MGAM2: variants seen among roughly 807,000 people sequenced by gnomAD.
The protein encoded by MGAM2 is probable maltase-glucoamylase 2.
Under a neutral mutation model 96.1 loss-of-function variants are expected in MGAM2, and 98 were observed. That is an observed-to-expected ratio of 1.02 (90% CI 0.87 to 1.21). The LOEUF (loss-of-function observed/expected upper bound fraction) is 1.21. Ranked by LOEUF, MGAM2 falls within the 50% of genes most tolerant of loss-of-function variation. The pLI, the probability that MGAM2 is intolerant of heterozygous loss-of-function variation, is 0.00. For missense variants in MGAM2, 2,055 were observed against 1,182.4 expected (o/e 1.74, Z -10.82); for synonymous variants, 749 against 414.8 (o/e 1.81, Z -9.79).
intron 15 of MGAM2, among the ~76,000 whole-genome samples, chr7:142,152,150 A>G (rs902661714): frequency 6.8e-6 from 1 of 147,176 alleles, no homozygotes; most frequent in Non-Finnish European, 1.5e-5. Flanking sequence ...CCTCTGAGTA[A>G]GACTGTTCCT....
intron 33 of MGAM2, among the ~76,000 whole-genome samples, chr7:142,184,036 G>C (rs1423618893): frequency 1.7e-5 from 2 of 120,334 alleles, no homozygotes; most frequent in Non-Finnish European, 1.6e-5. Flanking sequence ...GCAGTGGTAT[G>C]ATCTTGGCTG....
chr7:142,138,083 C>T (rs765863765), intron 9 of MGAM2, among the ~76,000 whole-genome samples: 28 of 152,114 alleles, frequency 1.8e-4, no homozygotes, highest in Admixed American at 9.8e-4. Context: ...GGCATGGTGG[C>T]GTGTGCCTGT....
rs72092512 is a variant in MGAM2 at position 142,201,071 on chromosome 7, C to CTTTTTT, written c.5137+1108_5137+1113dup. 9.3e-3 allele frequency among the ~76,000 whole-genome samples: 781 copies of CTTTTTT among 84,226 alleles called. 78 individuals are homozygous for CTTTTTT. Among genetic ancestry groups the CTTTTTT allele is most frequent in the African/African-American group, 0.02 (385 of 18,966 alleles). The allele number at this position is 84,226 out of a possible 152,430, so 55.3% of individuals were successfully genotyped here. Reference sequence around the variant, plus strand: ...CATTGTTATAAATAACATCCTTTTTCTTTTTTTTTTCTTTTTTTTTTTTTT... The same window carrying CTTTTTT: ...CATTGTTATAAATAACATCCTTTTTCTTTTTTTTTTTTTTTTCTTTTTTTTTTTTTT... On this transcript the variant is annotated intron_variant, in intron 45 of 47. Transcript: ENST00000477922.
At chr7:142,131,723 T>A in intron 5 of MGAM2, 96 bp downstream of exon 5, 1 of 642,790 alleles carries the variant, frequency 1.6e-6, no homozygotes, top group Non-Finnish European at 2.8e-6. Context: ...TCTCTCCCTC[T>A]CTGCAGGAAT....
chr7:142,121,730 T>G (rs1794578168), intron 3 of MGAM2, among the ~76,000 whole-genome samples: 1 of 151,134 alleles, frequency 6.6e-6, no homozygotes, highest in Non-Finnish European at 1.5e-5. Flanking sequence ...ATTATATAAT[T>G]GATCAAGTTA....
chr7:142,154,209 AG>A lies in MGAM2; in HGVS notation c.1806+23del. ...CCCATGGTGAGCCTTATTTCCAACCAGGGAACTTTAACCCTTTGTCTGTTGA... is the reference window on the plus strand; with the variant it reads ...CCCATGGTGAGCCTTATTTCCAACCAGGAACTTTAACCCTTTGTCTGTTGA... On this transcript the variant is annotated intron_variant, in intron 16 of 47. Coordinates refer to ENST00000477922, the MANE Select transcript of MGAM2 (RefSeq NM_001293626.2). The A allele has an allele frequency of 1.8e-6, 1 of 570,960 alleles. No homozygotes were observed. The highest frequency in any genetic ancestry group is 3.2e-6 in the Non-Finnish European group (1 of 308,156). The allele number at this position is 570,960 out of a possible 1,614,324, so 35.4% of individuals were successfully genotyped here.
rs1471403657 is a variant in MGAM2, at chr7:142,147,458, G to A, written c.1519G>A (p.Val507Ile). The change falls in exon 15 of 48, where the codon GTT becomes ATT. Residue 507 changes from valine (V) to isoleucine (I), a missense_variant and splice_region_variant. Coordinates refer to ENST00000477922, the MANE Select transcript of MGAM2 (RefSeq NM_001293626.2). ...NLNFPPFLPR[V>I]LDHLLFARTL... is the part of the protein sequence containing the mutation. ...CACTAATGAGTATTTCCCTCCAGGAGTTCTGGATCACTTACTTTTTGCAAG... is the reference window on the plus strand; with the variant it reads ...CACTAATGAGTATTTCCCTCCAGGAATTCTGGATCACTTACTTTTTGCAAG... 3 of 701,802 alleles carry A rather than the reference G, an allele frequency of 4.3e-6. No homozygotes were observed. The East Asian group carries it at 8.0e-5, about 19-fold the overall frequency. 43.5% of individuals were successfully genotyped at this position (701,802 alleles called of 1,614,324 possible). A position where few individuals can be genotyped will look rare whatever the true frequency, so the allele number is the denominator to read the frequency against.
chr7:142,215,538 A>T (rs1474402343), intron 46 of MGAM2, among the ~76,000 whole-genome samples: 1 of 152,028 alleles, frequency 6.6e-6, no homozygotes, highest in Non-Finnish European at 1.5e-5. Flanking sequence ...AGGCAGGTGG[A>T]TCACCTGAGG....
In MGAM2 at chr7:142,131,549, A is replaced by ATTT; in HGVS notation, c.342_343insTTT (p.Ser114_Pro115insPhe). 1 of 702,964 alleles carries ATTT rather than the reference A, an allele frequency of 1.4e-6. No individual in the cohort carries two copies. The allele number at this position is 702,964 out of a possible 1,614,324, so 43.5% of individuals were successfully genotyped here. On this transcript the variant is annotated inframe_insertion, in exon 5 of 48. Transcript: ENST00000477922. ...CTGCCCAGTTGAAAAGGTTGCCATC[A>ATTT]CCATCTCTGTTTGGAAATGATGTCG...
At chr7:142,190,204 A>G (rs1285260467) in intron 37 of MGAM2, among the ~76,000 whole-genome samples, 1 of 151,516 alleles carries the variant, frequency 6.6e-6, no homozygotes, top group African/African-American at 2.4e-5. Context: ...GTCATATAGG[A>G]ACTGTATTTT....
rs996725788 is a variant in MGAM2 at position 142,131,458 on chromosome 7, C to T, written c.311-60C>T. 7.4e-6 allele frequency: 5 copies of T among 675,408 alleles called. No individual in the cohort carries two copies. In the African/African-American group the frequency reaches 9.0e-5, roughly 12 times the overall value. 41.8% of individuals were successfully genotyped at this position (675,408 alleles called of 1,614,324 possible). On this transcript the variant is annotated intron_variant, in intron 4 of 47. Coordinates refer to ENST00000477922, the MANE Select transcript of MGAM2 (RefSeq NM_001293626.2). ...TCTCAAAACAAAAACAAAAACAAAACAAAACCAAACACTAAAAGTTAGTCT... is the reference window on the plus strand; with the variant it reads ...TCTCAAAACAAAAACAAAAACAAAATAAAACCAAACACTAAAAGTTAGTCT...
chr7:142,175,560 G>A (rs1796347524), intron 31 of MGAM2, 92 bp from the exon 32 acceptor site: 3 of 640,146 alleles, frequency 4.7e-6, no homozygotes, highest in Non-Finnish European at 8.3e-6. Flanking sequence ...GGGGCAGGCA[G>A]GCAGCAGGAC....
chr7:142,175,840 G>A (rs1796357938), intron 32 of MGAM2, 60 bp downstream of exon 32: 1 of 680,792 alleles, frequency 1.5e-6, no homozygotes, highest in East Asian at 2.7e-5. Flanking sequence ...TTCAAAAATA[G>A]CACCATTGTG....
Position 142,171,269 on chromosome 7 carries a change from C to T in MGAM2, c.3183-3C>T, listed in dbSNP as rs766218421. ...CTCAGCGTGATCTGCTTTTGTGTTG[C>T]AGTTGGGATTCTCAACTCCCTGGCT... On this transcript the variant is annotated splice_polypyrimidine_tract_variant and splice_region_variant and intron_variant, in intron 27 of 47. Transcript: ENST00000477922. 4.3e-6 allele frequency: 3 copies of T among 702,394 alleles called. No individual in the cohort carries two copies. The highest frequency in any genetic ancestry group is 4.0e-5 in the Admixed American group (2 of 49,992). 43.5% of individuals were successfully genotyped at this position (702,394 alleles called of 1,614,324 possible).
intron 12 of MGAM2, 81 bp from the exon 13 acceptor site, chr7:142,143,688 T>G: frequency 2.1e-6 from 1 of 470,000 alleles, no homozygotes; most frequent in Non-Finnish European, 3.8e-6. Context: ...AAAATGAGGC[T>G]CCTAGTAGAA....
intron 45 of MGAM2, among the ~76,000 whole-genome samples, chr7:142,203,189 G>A (rs941233302): frequency 1.3e-5 from 2 of 151,998 alleles, no homozygotes; most frequent in African/African-American, 4.8e-5. Context: ...GACCTTTGTT[G>A]GATGCATAGC....
chr7:142,189,495 C>T lies in MGAM2; in HGVS notation c.4336C>T (p.Pro1446Ser), dbSNP rs1297587558. Residue 1446 changes from proline (P) to serine (S), a missense_variant, in exon 37 of 48, where the codon CCC becomes TCC. Pro to Ser is a moderately conservative substitution (Grantham distance 74, BLOSUM62 -1). Coordinates refer to ENST00000477922, the MANE Select transcript of MGAM2 (RefSeq NM_001293626.2). ...CCTGTACGGGTGGTCCCAGACCAGACCCACATACGAGTGAGTGTCTTTTTG... is the reference window on the plus strand; with the variant it reads ...CCTGTACGGGTGGTCCCAGACCAGATCCACATACGAGTGAGTGTCTTTTTG... Reference protein sequence around the residue: ...HNLYGWSQTRPTYEAVQEVTG... With the variant: ...HNLYGWSQTRSTYEAVQEVTG... 1 of 841,930 alleles carries T rather than the reference C, an allele frequency of 1.2e-6. No individual in the cohort carries two copies. The highest frequency in any genetic ancestry group is 2.2e-5 in the Admixed American group (1 of 44,964). 52.2% of individuals were successfully genotyped at this position (841,930 alleles called of 1,614,324 possible). A position where few individuals can be genotyped will look rare whatever the true frequency, so the allele number is the denominator to read the frequency against.
intron 45 of MGAM2, among the ~76,000 whole-genome samples, chr7:142,201,803 G>A (rs1797244049): frequency 6.6e-6 from 1 of 152,166 alleles, no homozygotes; most frequent in African/African-American, 2.4e-5. Context: ...GTACACGGGA[G>A]GATGTGTATA....
chr7:142,125,969 G>A (rs1157185047), intron 3 of MGAM2, among the ~76,000 whole-genome samples: 3 of 152,074 alleles, frequency 2.0e-5, no homozygotes, highest in African/African-American at 7.2e-5. Context: ...ATGGCTTAGT[G>A]TATATCCTTC....
Sources: allele counts gnomAD v4.1 joint callset (sites outside exome capture counted in the v4.1 genomes callset), GRCh38; gene constraint gnomAD v4.1.1; transcripts MANE v1.5; gene names NCBI Gene and HGNC (gene_info 2026-07-23, HGNC 2026-07-21).